The following GNA12 variants were observed in gnomAD, a reference collection of about 807,000 sequenced individuals.
The protein encoded by GNA12 is guanine nucleotide-binding protein subunit alpha-12.
Under a neutral mutation model 26.0 loss-of-function variants are expected in GNA12, and 9 were observed. The observed-to-expected ratio is 0.35, with a 90% CI of 0.21 to 0.60. The LOEUF is 0.60. GNA12 is among the 20% of genes least tolerant of loss of function. GNA12 has a pLI of 0.78. For synonymous variants in GNA12, 264 were observed against 219.6 expected (o/e 1.20, Z -1.79); for missense variants, 405 against 525.8 (o/e 0.77, Z 2.25).
Position 2,803,174 on chromosome 7 carries a change from C to T in GNA12, c.310-8031G>A, listed in dbSNP as rs552173799. Reference sequence around the variant, plus strand: ...ACAAGCGTAGCAGCAAGACAGAGCACGAGCAGATAAGCGACAGTCTCAGAT... The same window carrying T: ...ACAAGCGTAGCAGCAAGACAGAGCATGAGCAGATAAGCGACAGTCTCAGAT... On this transcript the variant is annotated intron_variant, in intron 1 of 3. Coordinates refer to ENST00000275364, the MANE Select transcript of GNA12 (RefSeq NM_007353.3). Among the ~76,000 whole-genome samples the T allele has an allele frequency of 9.2e-5, 14 of 152,256 alleles. No homozygotes were observed. In the South Asian group the frequency reaches 2.5e-3, roughly 27 times the overall value.
At chr7:2,795,513 AC>A (rs1792639131) in intron 1 of GNA12, among the ~76,000 whole-genome samples, 1 of 151,978 alleles carries the variant, frequency 6.6e-6, no homozygotes, top group Admixed American at 6.5e-5. Flanking sequence ...GTGGTGGCAC[AC>A]CTGTAGTCTC....
intron 2 of GNA12, among the ~76,000 whole-genome samples, chr7:2,782,385 G>C (rs1220237005): frequency 6.6e-6 from 1 of 152,120 alleles, no homozygotes; most frequent in Non-Finnish European, 1.5e-5. Flanking sequence ...CCTGTTGGGA[G>C]GATTTGCTAC....
rs117912446 is a variant in GNA12 at position 2,760,824 on chromosome 7, A to C, written c.526-27323T>G. ...CTGCGTGGCTTTACCAAGTCACCAG[A>C]GGTTAGCTTGTCTGCAAGAGGCTGG... On this transcript the variant is annotated intron_variant, in intron 2 of 3. Coordinates refer to ENST00000275364, the MANE Select transcript of GNA12 (RefSeq NM_007353.3). 1.2e-3 allele frequency among the ~76,000 whole-genome samples: 187 copies of C among 152,286 alleles called. 3 individuals are homozygous for C. The highest frequency in any genetic ancestry group is 0.012 in the East Asian group (61 of 5,176).
chr7:2,798,594 TA>T, intron 1 of GNA12, among the ~76,000 whole-genome samples: 1 of 152,354 alleles, frequency 6.6e-6, no homozygotes, highest in South Asian at 2.1e-4. Context: ...CTTAAATTAA[TA>T]AACAGGTTTA....
intron 1 of GNA12, among the ~76,000 whole-genome samples, chr7:2,839,380 C>G (rs1778926260): frequency 6.6e-6 from 1 of 152,050 alleles, no homozygotes; most frequent in Non-Finnish European, 1.5e-5. Flanking sequence ...CACCACCACA[C>G]CCGGCTAATT....
chr7:2,810,242 C>G (rs1290955811), intron 1 of GNA12, among the ~76,000 whole-genome samples: 1 of 152,094 alleles, frequency 6.6e-6, no homozygotes, highest in Non-Finnish European at 1.5e-5. Context: ...CTTTCTGGCT[C>G]CTAGACGGTG....
At chr7:2,792,109 G>A (rs946794474) in intron 2 of GNA12, among the ~76,000 whole-genome samples, 2 of 152,112 alleles carry the variant, frequency 1.3e-5, no homozygotes, top group African/African-American at 2.4e-5. Flanking sequence ...CTAATCACCC[G>A]CCAAGTGCAC....
At chr7:2,802,377 G>A (rs1470674135) in intron 1 of GNA12, among the ~76,000 whole-genome samples, 1 of 108,884 alleles carries the variant, frequency 9.2e-6, no homozygotes, top group African/African-American at 3.5e-5. Flanking sequence ...TCTCTGCTGG[G>A]GATGTAGATT....
intron 2 of GNA12, chr7:2,764,819 G>A (rs931112494): frequency 5.9e-5 from 9 of 152,244 alleles, no homozygotes; most frequent in African/African-American, 2.2e-4. Context: ...AGGGAACACT[G>A]AGACTGACCA....
chr7:2,834,213 T>C (rs1326107882), intron 1 of GNA12, among the ~76,000 whole-genome samples: 1 of 152,280 alleles, frequency 6.6e-6, no homozygotes, highest in African/African-American at 2.4e-5. Context: ...TCGAATTTTC[T>C]GTCTTAGCTG....
intron 2 of GNA12, among the ~76,000 whole-genome samples, chr7:2,757,995 G>C (rs1256487515): frequency 1.3e-5 from 2 of 152,292 alleles, no homozygotes; most frequent in East Asian, 3.9e-4. Flanking sequence ...GGTTAACACA[G>C]AACACAAGCT....
intron 2 of GNA12, among the ~76,000 whole-genome samples, chr7:2,769,605 C>T (rs1234550817): frequency 1.3e-5 from 2 of 151,988 alleles, no homozygotes; most frequent in Non-Finnish European, 1.5e-5. Context: ...TGGTGGCAGG[C>T]GCCTATAGTC....
At chr7:2,754,691 G>C (rs943365228) in intron 2 of GNA12, among the ~76,000 whole-genome samples, 1 of 152,166 alleles carries the variant, frequency 6.6e-6, no homozygotes. Context: ...TGAGGCTGCA[G>C]TGAGCTATGA....
chr7:2,760,232 G>C (rs1791493786), intron 2 of GNA12: 1 of 152,374 alleles, frequency 6.6e-6, no homozygotes, highest in African/African-American at 2.4e-5. Context: ...GTCCAGGCAG[G>C]AGGGCACACC....
rs575624018 is a variant in GNA12 at position 2,814,904 on chromosome 7, C to A, written c.310-19761G>T. 7.9e-5 allele frequency: 127 copies of A among 1,600,806 alleles called. 2 individuals are homozygous for A. In the African/African-American group the frequency reaches 1.5e-3, roughly 19 times the overall value. On this transcript the variant is annotated intron_variant, in intron 1 of 3. Coordinates refer to ENST00000275364, the MANE Select transcript of GNA12 (RefSeq NM_007353.3). ...GACTGCCAGGCATCCTTGCTAGGCA[C>A]GGCCTGGGAAACATTCTCCGTTTCA... is the stretch of plus-strand genomic sequence containing the variant.
At chr7:2,776,622 CGA>C (rs1792084080) in intron 2 of GNA12, among the ~76,000 whole-genome samples, 2 of 152,126 alleles carry the variant, frequency 1.3e-5, no homozygotes, top group African/African-American at 2.4e-5. Context: ...CAATTCTTGC[CGA>C]GAGAGGAGCA....
chr7:2,792,310 C>T (rs757647208), intron 2 of GNA12, among the ~76,000 whole-genome samples: 1 of 152,202 alleles, frequency 6.6e-6, no homozygotes, highest in East Asian at 1.9e-4. Flanking sequence ...CAGTGATTAC[C>T]AAGATGATGT....
intron 1 of GNA12, chr7:2,814,336 T>C (rs748543981): frequency 1.8e-5 from 28 of 1,596,174 alleles, no homozygotes; most frequent in Non-Finnish European, 2.4e-5. Context: ...GTGCAATGAG[T>C]AGGTGCTCAA....
chr7:2,769,875 T>C (rs183661369), intron 2 of GNA12, among the ~76,000 whole-genome samples: 3 of 152,350 alleles, frequency 2.0e-5, no homozygotes, highest in East Asian at 1.9e-4. Context: ...ATATTATCAA[T>C]TGAATTTTTT....
Sources: allele counts gnomAD v4.1 joint callset (sites outside exome capture counted in the v4.1 genomes callset), GRCh38; gene constraint gnomAD v4.1.1; transcripts MANE v1.5; gene names NCBI Gene and HGNC (gene_info 2026-07-23, HGNC 2026-07-21).